Variants in HERC1 observed in about 807,000 individuals in gnomAD.
HERC1 encodes probable E3 ubiquitin-protein ligase HERC1.
In HERC1, 160 loss-of-function variants were observed where a neutral mutation model predicts 554.3. The observed-to-expected ratio is 0.29, with a 90% CI of 0.25 to 0.33. The LOEUF (loss-of-function observed/expected upper bound fraction) is 0.33. HERC1 is among the 10% of genes least tolerant of loss of function. The probability of loss-of-function intolerance (pLI) is 1.00; values close to 1 mark genes in which losing one functional copy is unlikely to be tolerated. For synonymous variants in HERC1, 2,175 were observed against 2,131.7 expected, an observed-to-expected ratio of 1.02 and a Z score of -0.56; for missense variants, 4,919 against 5,918.5, an observed-to-expected ratio of 0.83 and a Z score of 5.54.
intron 1 of HERC1, among the ~76,000 whole-genome samples, chr15:63,783,811 T>C (rs1240845447): frequency 6.6e-6 from 1 of 152,166 alleles, no homozygotes; most frequent in Non-Finnish European, 1.5e-5. Context: ...CTCACACCTG[T>C]AATCCCAACA....
intron 34 of HERC1, 94 bp downstream of exon 34, chr15:63,686,265 T>C: frequency 1.1e-6 from 1 of 895,428 alleles, no homozygotes; most frequent in South Asian, 2.0e-5. Flanking sequence ...CATATCACGA[T>C]TTTTTTTCAG....
chr15:63,826,375 T>C (rs939620300), intron 1 of HERC1, among the ~76,000 whole-genome samples: 3 of 152,172 alleles, frequency 2.0e-5, no homozygotes, highest in Admixed American at 6.5e-5. Context: ...ATACTGCCAT[T>C]ACTGGTCCAA....
intron 3 of HERC1, among the ~76,000 whole-genome samples, chr15:63,762,723 G>A (rs191395246): frequency 2.6e-5 from 4 of 152,178 alleles, no homozygotes; most frequent in Admixed American, 2.6e-4. Context: ...CAGATAGAAA[G>A]AATCAAGCAT....
chr15:63,754,407 T>C (rs1348956695), intron 7 of HERC1, 98 bp downstream of exon 7: 49 of 775,416 alleles, frequency 6.3e-5, no homozygotes, highest in African/African-American at 3.5e-5. Flanking sequence ...CTCATCTGTA[T>C]TTGAGTCATT....
At chr15:63,831,815 G>A (rs143331823) in intron 1 of HERC1, among the ~76,000 whole-genome samples, 213 of 152,302 alleles carry the variant, frequency 1.4e-3, no homozygotes, top group African/African-American at 4.8e-3. Context: ...AGATTTTCAA[G>A]AGATGTTTAT....
At chr15:63,695,887 ATAATAAAACTGGAT>A (rs1401440652) in intron 27 of HERC1, among the ~76,000 whole-genome samples, 4 of 152,220 alleles carry the variant, frequency 2.6e-5, no homozygotes, top group African/African-American at 9.6e-5. Context: ...TCCAAACTGG[ATAATAAAACTGGAT>A]TAATAAAACC....
In HERC1 at chr15:63,624,231, G is replaced by T; in HGVS notation, c.13372C>A (p.Arg4458Ser). ...APRVYTLPMV[R>S]SIGKTMVQGK... The stretch of plus-strand genomic sequence containing the variant: ...TGAACCATGGTTTTTCCTATGGAGC[G>T]CACCATTGGCAGAGTGTAGACTCTT... Residue 4458 changes from arginine to serine, a missense_variant, in exon 72 of 78, where the codon CGC becomes AGC. Transcript: ENST00000443617. 1 of 1,613,670 alleles carries T rather than the reference G, an allele frequency of 6.2e-7. No individual in the cohort carries two copies. The highest frequency in any genetic ancestry group is 1.1e-5 in the South Asian group (1 of 91,070).
rs1470039238 is a variant in HERC1, at chr15:63,756,900, A to G, written c.1222-152T>C. ...ATTAAGGAATATACAGAAATCTAAG[A>G]GAACACGAATGGCCTTTTCATGCTC... On this transcript the variant is annotated intron_variant, in intron 4 of 77. Transcript: ENST00000443617. This position sits in a 1 kb window ranked among gnomAD's most constrained non-coding sequence, Gnocchi z 5.0. Among the ~76,000 whole-genome samples the G allele has an allele frequency of 1.3e-5, 2 of 152,232 alleles. No individual in the cohort carries two copies. Among genetic ancestry groups the G allele is most frequent in the East Asian group, 3.8e-4 (2 of 5,208 alleles).
At chr15:63,619,168 C>A (rs1329226757) in intron 74 of HERC1, among the ~76,000 whole-genome samples, 3 of 152,094 alleles carry the variant, frequency 2.0e-5, no homozygotes, top group Non-Finnish European at 2.9e-5. Context: ...GAGATATGTC[C>A]CATCAATACC....
intron 55 of HERC1, 35 bp downstream of exon 55, chr15:63,648,034 T>C (rs1413342924): frequency 6.0e-6 from 9 of 1,504,300 alleles, no homozygotes; most frequent in South Asian, 2.4e-5. Context: ...TATATTTGTA[T>C]CCCATAAAAT....
intron 14 of HERC1, among the ~76,000 whole-genome samples, chr15:63,730,054 T>C (rs1219834903): frequency 6.9e-6 from 1 of 145,102 alleles, no homozygotes; most frequent in Non-Finnish European, 1.5e-5. Flanking sequence ...AAAAGCATTA[T>C]ATCCTTTCTC....
intron 11 of HERC1, 141 bp from the exon 12 acceptor site, chr15:63,747,224 CGGA>C: frequency 3.0e-6 from 2 of 670,026 alleles, no homozygotes; most frequent in African/African-American, 3.6e-5. Flanking sequence ...CTTTGGGAGG[CGGA>C]GGTGGGTGGA....
chr15:63,698,419 C>T (rs1261732181), intron 26 of HERC1, among the ~76,000 whole-genome samples: 1 of 80,706 alleles, frequency 1.2e-5, no homozygotes, highest in Admixed American at 1.5e-4. Flanking sequence ...ACTCCGTCTC[C>T]AAAAAAAAAA....
intron 50 of HERC1, 131 bp from the exon 51 acceptor site, chr15:63,654,455 T>G: frequency 1.6e-6 from 1 of 643,268 alleles, no homozygotes. Flanking sequence ...CCATATCTTT[T>G]AAGAATTGGC....
At chr15:63,787,960 C>CAAAAAAAAAAAAAAAA (rs375499946) in intron 1 of HERC1, among the ~76,000 whole-genome samples, 1 of 45,648 alleles carries the variant, frequency 2.2e-5, no homozygotes, top group South Asian at 7.0e-4. Flanking sequence ...GACCCTGTCT[C>CAAAAAAAAAAAAAAAA]AAAAAAAAAA....
chr15:63,748,008 C>T, intron 10 of HERC1, 150 bp from the exon 11 acceptor site: 2 of 702,928 alleles, frequency 2.8e-6, no homozygotes, highest in Non-Finnish European at 4.5e-6. Flanking sequence ...TGCAGATTAC[C>T]TGAGGTGAGG....
At chr15:63,832,556 T>C (rs2078193696) in intron 1 of HERC1, among the ~76,000 whole-genome samples, 1 of 152,194 alleles carries the variant, frequency 6.6e-6, no homozygotes, top group Non-Finnish European at 1.5e-5. Flanking sequence ...TACTGCCCCA[T>C]TTTGAGCAAC....
intron 1 of HERC1, among the ~76,000 whole-genome samples, chr15:63,790,696 G>A (rs986390561): frequency 5.3e-5 from 8 of 151,920 alleles, no homozygotes; most frequent in Non-Finnish European, 1.2e-4. Flanking sequence ...AACTTTGTGT[G>A]TTATGTTTCC....
chr15:63,633,720 A>G lies in HERC1; in HGVS notation c.12693+128T>C. 3 of 930,480 alleles carry G rather than the reference A, an allele frequency of 3.2e-6. No homozygotes were observed. In the East Asian group the frequency reaches 8.0e-5, roughly 25 times the overall value. The allele number at this position is 930,480 out of a possible 1,614,324, so 57.6% of individuals were successfully genotyped here. A position where few individuals can be genotyped will look rare whatever the true frequency, so the allele number is the denominator to read the frequency against. Reference sequence around the variant, plus strand: ...GTGGGCATTCAAGAATGCACAACAGAAGCTTCTAAACTTCATTATGAACTA... The same window carrying G: ...GTGGGCATTCAAGAATGCACAACAGGAGCTTCTAAACTTCATTATGAACTA... On this transcript the variant is annotated intron_variant, in intron 67 of 77. Transcript: ENST00000443617.
Sources: gnomAD v4.1 joint callset for allele counts (sites outside exome capture counted in the v4.1 genomes callset) on GRCh38, gnomAD v4.1.1 for gene constraint, Gnocchi (gnomAD v3.1) non-coding constraint, MANE v1.5 for transcripts, NCBI Gene and HGNC (gene_info 2026-07-23, HGNC 2026-07-21) for gene names.